IGSF11: variants seen among roughly 807,000 people sequenced by gnomAD.
IGSF11 encodes the protein immunoglobulin superfamily member 11.
In IGSF11, 22 loss-of-function variants were observed where a neutral mutation model predicts 41.0. The ratio of observed to expected loss-of-function variants is 0.54; its 90% CI spans 0.38 to 0.77. IGSF11 has a LOEUF of 0.77. IGSF11 is among the 30% of genes least tolerant of loss of function. The pLI is 0.00. For missense variants in IGSF11, 444 were observed against 530.8 expected, an observed-to-expected ratio of 0.84 and a Z score of 1.61; for synonymous variants, 219 against 201.3, an observed-to-expected ratio of 1.09 and a Z score of -0.74.
upstream of IGSF11, among the ~76,000 whole-genome samples, chr3:119,109,380 G>T (rs1259283185): frequency 6.6e-6 from 1 of 152,134 alleles, no homozygotes; most frequent in Non-Finnish European, 1.5e-5. Context: ...TTTGCGTAGA[G>T]GTGTTTGTAG....
chr3:119,051,153 T>TAATA (rs200702102), intron 1 of IGSF11, among the ~76,000 whole-genome samples: 2,379 of 149,148 alleles, frequency 0.016, 36 homozygotes, highest in East Asian at 0.08. Flanking sequence ...TAATAATAAT[T>TAATA]AATAAATAAA....
In IGSF11 at chr3:119,067,776, C is replaced by T. The variant is rs1942278019; in HGVS notation, c.49+37368G>A. ...CTTAGATCAAGCAGGATCCTCAATC[C>T]ATGCCTAGAACAGGCAAAAGCCCCA... On this transcript the variant is annotated intron_variant, in intron 1 of 6. Transcript: ENST00000354673. Among the ~76,000 whole-genome samples, 4 of 152,162 alleles carry T rather than the reference C, an allele frequency of 2.6e-5. No homozygotes were observed. The South Asian group carries it at 8.3e-4, about 31-fold the overall frequency.
intron 1 of IGSF11, among the ~76,000 whole-genome samples, chr3:118,973,499 T>C (rs1447773983): frequency 6.6e-6 from 1 of 152,124 alleles, no homozygotes; most frequent in Non-Finnish European, 1.5e-5. Flanking sequence ...CTTGTCTGAG[T>C]TCCCAAAGGC....
At chr3:119,133,429 A>G (rs907983388) in intron 1 of IGSF11, among the ~76,000 whole-genome samples, 6 of 152,238 alleles carry the variant, frequency 3.9e-5, no homozygotes, top group African/African-American at 1.4e-4. Context: ...CCTTCAGAGA[A>G]TACTATAAAC....
chr3:119,109,798 C>T (rs1179179956), upstream of IGSF11, among the ~76,000 whole-genome samples: 3 of 152,068 alleles, frequency 2.0e-5, no homozygotes, highest in Admixed American at 6.6e-5. Flanking sequence ...TGTCTTTGTT[C>T]TCGTTGGTTT....
upstream of IGSF11, among the ~76,000 whole-genome samples, chr3:119,109,327 T>C (rs1258752088): frequency 6.6e-6 from 1 of 151,754 alleles, no homozygotes; most frequent in Non-Finnish European, 1.5e-5. Flanking sequence ...GGAGAGTGTA[T>C]GTGTCGAGGA....
intron 1 of IGSF11, among the ~76,000 whole-genome samples, chr3:118,966,358 T>C (rs940984020): frequency 6.6e-6 from 1 of 152,204 alleles, no homozygotes; most frequent in African/African-American, 2.4e-5. Context: ...CATGGCTCTT[T>C]TGTGGCAGAA....
intron 1 of IGSF11, among the ~76,000 whole-genome samples, chr3:119,079,236 G>A (rs2076550812): frequency 6.6e-6 from 1 of 152,054 alleles, no homozygotes; most frequent in Admixed American, 6.5e-5. Context: ...GTGGGTGCCT[G>A]TAATCCCAGC....
At chr3:119,009,743 G>T (rs974617649) in intron 1 of IGSF11, among the ~76,000 whole-genome samples, 2 of 152,116 alleles carry the variant, frequency 1.3e-5, no homozygotes, top group Non-Finnish European at 2.9e-5. Context: ...TGATTATTTT[G>T]ATTGTTAAGT....
At chr3:119,102,396 A>G (rs2076952018) in intron 1 of IGSF11, among the ~76,000 whole-genome samples, 1 of 152,200 alleles carries the variant, frequency 6.6e-6, no homozygotes, top group South Asian at 2.1e-4. Flanking sequence ...TGGAGGTCTG[A>G]GCCAGTCTGA....
rs116979069 is a variant in IGSF11 at position 119,113,320 on chromosome 3, G to C, written c.-13-8115C>G. On this transcript the variant is annotated intron_variant, in intron 1 of 7. Transcript: ENST00000425327. ...GTCCACAGTCCAAAGTCTCATCTGA[G>C]ACAAGGCAAGTCCCTAACTCAAAAC... Among the ~76,000 whole-genome samples the C allele has an allele frequency of 3.3e-4, 50 of 152,216 alleles. No homozygotes were observed. The East Asian group carries it at 9.7e-3, about 29-fold the overall frequency.
chr3:119,083,622 T>C (rs1177673879), intron 1 of IGSF11, among the ~76,000 whole-genome samples: 1 of 152,072 alleles, frequency 6.6e-6, no homozygotes, highest in Non-Finnish European at 1.5e-5. Flanking sequence ...TCCTATAAGA[T>C]ATAATAGAAT....
intron 1 of IGSF11, among the ~76,000 whole-genome samples, chr3:119,070,108 A>G (rs2076372235): frequency 6.6e-6 from 1 of 152,230 alleles, no homozygotes; most frequent in Admixed American, 6.5e-5. Context: ...TTGGAATTCA[A>G]AAGTTCTGGA....
At chr3:119,048,732 G>C (rs1257453771) in intron 1 of IGSF11, among the ~76,000 whole-genome samples, 1 of 151,932 alleles carries the variant, frequency 6.6e-6, no homozygotes, top group Non-Finnish European at 1.5e-5. Flanking sequence ...GATAAACATT[G>C]ATGCAAAAAT....
intron 4 of IGSF11, among the ~76,000 whole-genome samples, chr3:118,910,688 C>T (rs1439205755): frequency 6.6e-6 from 1 of 152,194 alleles, no homozygotes; most frequent in African/African-American, 2.4e-5. Flanking sequence ...CTGGACTTCA[C>T]CTTTTCCAGC....
chr3:118,993,695 T>G (rs1936004727), intron 1 of IGSF11, among the ~76,000 whole-genome samples: 1 of 152,178 alleles, frequency 6.6e-6, no homozygotes. Context: ...AAAGTAGTGA[T>G]AAACGCTAAA....
intron 1 of IGSF11, among the ~76,000 whole-genome samples, chr3:119,118,938 A>G (rs888995963): frequency 1.3e-5 from 2 of 152,220 alleles, no homozygotes; most frequent in African/African-American, 4.8e-5. Context: ...TCCAGTTCCC[A>G]ACAAGTTCCT....
intron 1 of IGSF11, among the ~76,000 whole-genome samples, chr3:118,981,034 G>A (rs1934662219): frequency 6.6e-6 from 1 of 152,112 alleles, no homozygotes; most frequent in South Asian, 2.1e-4. Flanking sequence ...CTGGGACAGT[G>A]GTTTACAACA....
upstream of IGSF11, among the ~76,000 whole-genome samples, chr3:119,106,476 T>C (rs910725492): frequency 3.3e-5 from 5 of 152,156 alleles, no homozygotes; most frequent in African/African-American, 1.2e-4. Flanking sequence ...CTCTGCCTGG[T>C]TTACTTCACC....
Sources: gnomAD v4.1 joint callset for allele counts (sites outside exome capture counted in the v4.1 genomes callset) on GRCh38, gnomAD v4.1.1 for gene constraint, MANE v1.5 for transcripts, NCBI Gene and HGNC (gene_info 2026-07-23, HGNC 2026-07-21) for gene names.